SERINC4: variants seen among roughly 807,000 people sequenced by gnomAD.
SERINC4 encodes serine incorporator 4.
Under a neutral mutation model 52.0 loss-of-function variants are expected in SERINC4, and 52 were observed. The observed-to-expected ratio is 1.00, with a 90% CI of 0.80 to 1.26. The LOEUF (loss-of-function observed/expected upper bound fraction) is 1.26. Ranked by LOEUF, SERINC4 falls within the 50% of genes most tolerant of loss-of-function variation. The pLI is 0.00. For missense variants in SERINC4, 723 were observed against 632.8 expected, an observed-to-expected ratio of 1.14 and a Z score of -1.53; for synonymous variants, 264 against 247.7, an observed-to-expected ratio of 1.07 and a Z score of -0.62.
chr15:43,798,138 C>G (rs1001772451), intron 4 of SERINC4, 125 bp from the exon 5 acceptor site: 2 of 688,196 alleles, frequency 2.9e-6, no homozygotes, highest in East Asian at 5.5e-5. Flanking sequence ...CAACCTCTGC[C>G]TCCCGGGTTC....
rs1276310498 is a variant in SERINC4, at chr15:43,795,062, G to C, written c.1495C>G (p.Leu499Val). 6.2e-7 allele frequency: 1 copy of C among 1,613,476 alleles called. No homozygotes were observed. The highest frequency in any genetic ancestry group is 8.5e-7 in the Non-Finnish European group (1 of 1,180,012). The change falls in exon 12 of 12, where the codon CTT becomes GTT. Residue 499 changes from leucine (L) to valine (V), a missense_variant. Leu to Val is a conservative substitution (Grantham distance 32). Coordinates refer to ENST00000319327, the MANE Select transcript of SERINC4 (RefSeq NM_001258031.2). ...CGGTGGCGGCGGCGCCTCAAGATAA[G>C]GGGCTGGGGTTTCTGGGTGGGGGGC... is the stretch of plus-strand genomic sequence containing the variant. Reference protein sequence around the residue: ...CWPPTQKPQPLILRRRRHRII... With the variant: ...CWPPTQKPQPVILRRRRHRII...
intron 8 of SERINC4, 170 bp from the exon 9 acceptor site, chr15:43,796,397 A>G: frequency 2.8e-6 from 2 of 708,156 alleles, no homozygotes; most frequent in South Asian, 1.9e-5. Context: ...AGGTCTTTGG[A>G]CATATTTTAA....
In SERINC4 at chr15:43,795,130, C is replaced by G; in HGVS notation, c.1427G>C (p.Cys476Ser). Residue 476 changes from cysteine (C) to serine (S), a missense_variant, in exon 12 of 12, where the codon TGC becomes TCC. Cys to Ser is a moderately radical substitution (Grantham distance 112). Transcript: ENST00000319327. ...FWVKVASCWA[C>S]VLLYLGLLLA... ...TAACAGCCCCAGATAGAGGAGTACG[C>G]AGGCCCAGCATGAGGCAACCTTGAC... 6.2e-7 allele frequency: 1 copy of G among 1,614,116 alleles called. No homozygotes were observed. Among genetic ancestry groups the G allele is most frequent in the Non-Finnish European group, 8.5e-7 (1 of 1,180,030 alleles).
Position 43,795,267 on chromosome 15 carries a change from C to T in SERINC4, c.1344-54G>A, listed in dbSNP as rs115750613. On this transcript the variant is annotated intron_variant, in intron 11 of 11. Transcript: ENST00000319327. ...ATATGAAGGGCCTTAGCTTTTAGAC[C>T]TGTTCTACCTCCTCACCAAATATAA... is the stretch of plus-strand genomic sequence containing the variant. The T allele has an allele frequency of 1.0e-3, 1,674 of 1,595,828 alleles. 21 individuals are homozygous for T. In the African/African-American group the frequency reaches 0.02, roughly 19 times the overall value.
chr15:43,796,733 T>C lies in SERINC4; in HGVS notation c.950A>G (p.Gln317Arg), dbSNP rs1683253913. 6.2e-7 allele frequency: 1 copy of C among 1,614,062 alleles called. No individual in the cohort carries two copies. Among genetic ancestry groups the C allele is most frequent in the African/African-American group, 1.3e-5 (1 of 74,928 alleles). The change falls in exon 8 of 12, where the codon CAA (glutamine) becomes CGA (arginine). Residue 317 changes from glutamine to arginine, a missense_variant. Coordinates refer to ENST00000319327, the MANE Select transcript of SERINC4 (RefSeq NM_001258031.2). ...CAGGCACAGGGTGTGATTCTGTCCT[T>C]GAAGGATTACTGGGAAGGGACAACA... ...SSRPPERVIL[Q>R]GQNHTLCLPG...
chr15:43,798,425 C>T lies in SERINC4; in HGVS notation c.538G>A (p.Ala180Thr), dbSNP rs529317604. Residue 180 changes from alanine to threonine, a missense_variant and splice_region_variant, in exon 4 of 12, where the codon GCA becomes ACA. Ala to Thr is a moderately conservative substitution (Grantham distance 58). Coordinates refer to ENST00000319327, the MANE Select transcript of SERINC4 (RefSeq NM_001258031.2). ...FCIPDEHLFP[A>T]WHYIGICGGF... ...GCCAAGAGTGTGGGAGGGAGAGTAC[C>T]TGGGAAGAGATGCTCATCAGGAATG... 1 of 1,609,704 alleles carries T rather than the reference C, an allele frequency of 6.2e-7. No individual in the cohort carries two copies. Among genetic ancestry groups the T allele is most frequent in the East Asian group, 2.2e-5 (1 of 44,856 alleles).
Position 43,795,702 on chromosome 15 carries a change from AC to A in SERINC4, c.1174del (p.Val392TrpfsTer110). The A allele has an allele frequency of 6.2e-7, 1 of 1,614,080 alleles. No individual in the cohort carries two copies. On this transcript the variant is annotated frameshift_variant, in exon 10 of 12. Transcript: ENST00000319327. LOFTEE classifies it high-confidence loss of function. The stretch of plus-strand genomic sequence containing the variant: ...TTGGCACTCACCTTTGTCTGCCTCC[AC>A]TGTTTCAGGGCAGCAGAAACACAGT... Reference protein sequence around the residue: ...PSLCFCCPETVEADKGQRGGA... With the variant: ...PSLCFCCPETXEADKGQRGGA...
chr15:43,799,738 T>G, intron 1 of SERINC4, 147 bp downstream of exon 1: 1 of 829,218 alleles, frequency 1.2e-6, no homozygotes, highest in Non-Finnish European at 2.0e-6. Flanking sequence ...CACCTGGGGC[T>G]GGAAACATGG....
At chr15:43,797,566 T>C (rs528359902) in intron 5 of SERINC4, 3 of 551,130 alleles carry the variant, frequency 5.4e-6, no homozygotes, top group East Asian at 6.3e-5. Context: ...CTAACTTTTA[T>C]ATTTTTACTA....
rs372494904 is a variant in SERINC4 at position 43,796,659 on chromosome 15, T to C, written c.1024A>G (p.Met342Val). 8.7e-6 allele frequency: 14 copies of C among 1,613,950 alleles called. No homozygotes were observed. The East Asian group carries it at 1.1e-4, about 13-fold the overall frequency. Residue 342 changes from methionine to valine, a missense_variant, in exon 8 of 12, where the codon ATG (methionine) becomes GTG (valine). Physicochemically the swap from Met to Val is conservative, Grantham distance 21 (BLOSUM62 1). Coordinates refer to ENST00000319327, the MANE Select transcript of SERINC4 (RefSeq NM_001258031.2). ...GCATACATGATGCTAGCACTCAGCA[T>C]TGCTAGAGAGATATCTGGTGTTTGG... ...EPQTPDISLA[M>V]LSASIMYACV...
rs2087226233 is a variant in SERINC4 at position 43,796,845 on chromosome 15, C to A, written c.940G>T (p.Val314Leu). The stretch of plus-strand genomic sequence containing the variant: ...GGAGAATCCAGGTCCTGTCCCTTAC[C>A]TCTCTCTGGAGGACGGCTGGACAGT... ...SALSSRPPERVILQGQNHTLC... is the reference protein window; with the variant it reads ...SALSSRPPERLILQGQNHTLC... The change falls in exon 7 of 12, where the codon GTA (valine) becomes TTA (leucine). Residue 314 changes from valine (V) to leucine (L), a missense_variant and splice_region_variant. Transcript: ENST00000319327. 1.9e-6 allele frequency: 3 copies of A among 1,613,748 alleles called. No individual in the cohort carries two copies. Among genetic ancestry groups the A allele is most frequent in the African/African-American group, 1.3e-5 (1 of 74,906 alleles).
chr15:43,799,864 C>G lies in SERINC4; in HGVS notation c.102+21G>C, dbSNP rs565264575. 891 of 1,516,168 alleles carry G rather than the reference C, an allele frequency of 5.9e-4. 1 individual carries two copies. The highest frequency in any genetic ancestry group is 4.7e-3 in the African/African-American group (336 of 72,172). 93.9% of individuals were successfully genotyped at this position (1,516,168 alleles called of 1,614,324 possible). On this transcript the variant is annotated intron_variant, in intron 1 of 11. Transcript: ENST00000319327. ...GTCTTCCTCCCCAGCTTCGGCCACTCTCCCCTTCGCACCCTCTCACCTGAC... is the reference window on the plus strand; with the variant it reads ...GTCTTCCTCCCCAGCTTCGGCCACTGTCCCCTTCGCACCCTCTCACCTGAC...
In SERINC4 at chr15:43,794,792, C is replaced by G; in HGVS notation, c.*208G>C. ...GGTGTTAGGCTCTTGAGCTGGGATG[C>G]AGATGTAACAGTAGCTCCAGTGAGT... On this transcript the variant is annotated 3_prime_UTR_variant, in exon 12 of 12. Transcript: ENST00000319327. 1.9e-6 allele frequency: 1 copy of G among 530,012 alleles called. No individual in the cohort carries two copies. 32.8% of individuals were successfully genotyped at this position (530,012 alleles called of 1,614,324 possible). A position where few individuals can be genotyped will look rare whatever the true frequency, so the allele number is the denominator to read the frequency against.
intron 4 of SERINC4, 144 bp from the exon 5 acceptor site, chr15:43,798,157 C>T: frequency 1.6e-6 from 1 of 643,982 alleles, no homozygotes; most frequent in East Asian, 2.8e-5. Context: ...TCAAGTGATT[C>T]TTCTGCCTCC....
chr15:43,797,978 AT>A lies in SERINC4; in HGVS notation c.573del (p.Phe192SerfsTer39), dbSNP rs771860837. The A allele has an allele frequency of 3.1e-6, 5 of 1,613,916 alleles. No homozygotes were observed. In the East Asian group the frequency reaches 1.1e-4, roughly 36 times the overall value. ...WHYIGICGGFAFILLQLVLIT... is the reference protein window; with the variant it reads ...WHYIGICGGFXFILLQLVLIT... ...ATAAGCACCAACTGCAGTAGGATGA[AT>A]GCAAAGCCTCCACAGATGCCAATGT... On this transcript the variant is annotated frameshift_variant, in exon 5 of 12. Transcript: ENST00000319327. LOFTEE classifies it high-confidence loss of function.
Position 43,799,907 on chromosome 15 carries a change from A to G in SERINC4, c.80T>C (p.Leu27Pro), listed in dbSNP as rs1024933713. ...CACCTGACAGAAGGGACTTTTCACT[A>G]GGACACTGCTGCCTCCGCTGTGCTG... ...AQQHSGGSSV[L>P]VKSPFCQVCC... is the part of the protein sequence containing the mutation. Residue 27 changes from leucine to proline, a missense_variant, in exon 1 of 12, where the codon CTA (leucine) becomes CCA (proline). Leu to Pro is a moderately conservative substitution (Grantham distance 98, BLOSUM62 -3). Transcript: ENST00000319327. The G allele has an allele frequency of 6.5e-7, 1 of 1,549,214 alleles. No individual in the cohort carries two copies. Among genetic ancestry groups the G allele is most frequent in the Non-Finnish European group, 8.7e-7 (1 of 1,146,426 alleles).
rs747329151 is a variant in SERINC4 at position 43,799,619 on chromosome 15, G to A, written c.103-133C>T. On this transcript the variant is annotated intron_variant, in intron 1 of 11. Transcript: ENST00000319327. ...CTTCCCCTTTCTTCCTTTTACTCAG[G>A]TTCTGTTTCAAGCTGATTCCAGCCA... 2.5e-6 allele frequency: 3 copies of A among 1,178,254 alleles called. No individual in the cohort carries two copies. The South Asian group carries it at 3.9e-5, about 15-fold the overall frequency. The allele number at this position is 1,178,254 out of a possible 1,614,324, so 73.0% of individuals were successfully genotyped here.
At chr15:43,797,773 G>A (rs188299214) in intron 5 of SERINC4, 147 bp downstream of exon 5, 95 of 622,348 alleles carry the variant, frequency 1.5e-4, no homozygotes, top group Non-Finnish European at 1.7e-4. Context: ...CTTGGCCCAC[G>A]CAGTCATCAC....
chr15:43,795,534 C>A lies in SERINC4; in HGVS notation c.1197G>T (p.Arg399Ser). Residue 399 changes from arginine to serine, a missense_variant, in exon 11 of 12, where the codon AGG (arginine) becomes AGT (serine). By Grantham distance (110) the Arg-to-Ser change is moderately radical. Transcript: ENST00000319327. ...PETVEADKGQ[R>S]GGAARPADQE... is the part of the protein sequence containing the mutation. ...GGTCAGCTGGCCTCGCAGCCCCACCCCTTTGCCCTGGAGAGAGGAAATGGC... is the reference window on the plus strand; with the variant it reads ...GGTCAGCTGGCCTCGCAGCCCCACCACTTTGCCCTGGAGAGAGGAAATGGC... 1 of 1,614,158 alleles carries A rather than the reference C, an allele frequency of 6.2e-7. No individual in the cohort carries two copies. The highest frequency in any genetic ancestry group is 8.5e-7 in the Non-Finnish European group (1 of 1,180,034).
Sources: allele counts gnomAD v4.1 joint callset, GRCh38; gene constraint gnomAD v4.1.1; transcripts MANE v1.5; gene names NCBI Gene and HGNC (gene_info 2026-07-23, HGNC 2026-07-21).